Variants in PRPF18 observed in about 807,000 individuals in gnomAD.
The protein encoded by PRPF18 is pre-mRNA processing factor 18, also known as pre-mRNA-splicing factor 18.
In PRPF18, 38 loss-of-function variants were observed where a neutral mutation model predicts 46.5. The ratio of observed to expected loss-of-function variants is 0.82; its 90% CI spans 0.63 to 1.07. The LOEUF (loss-of-function observed/expected upper bound fraction) is 1.07. PRPF18 is among the 50% of genes least tolerant of loss of function. The probability of loss-of-function intolerance (pLI) is 0.00; values close to 1 mark genes in which losing one functional copy is unlikely to be tolerated. For synonymous variants in PRPF18, 152 were observed against 146.7 expected (o/e 1.04, Z -0.26); for missense variants, 263 against 410.0 (o/e 0.64, Z 3.10).
At chr10:13,633,372 C>T (rs751077648), downstream of PRPF18, among the ~76,000 whole-genome samples, 6 of 152,166 alleles carry the variant, frequency 3.9e-5, no homozygotes, top group Non-Finnish European at 8.8e-5. Flanking sequence ...TGACCTACTC[C>T]AGCACTTCAG....
intron 9 of PRPF18, among the ~76,000 whole-genome samples, chr10:13,618,615 CAAAAAAAAA>C (rs68069523): frequency 1.3e-4 from 5 of 39,982 alleles, no homozygotes; most frequent in African/African-American, 3.5e-4. Context: ...AAGACCCTGT[CAAAAAAAAA>C]AAAAAAAAAA....
At chr10:13,605,803 T>G (rs1464689930) in intron 4 of PRPF18, 59 bp downstream of exon 4, 1 of 1,506,196 alleles carries the variant, frequency 6.6e-7, no homozygotes, top group East Asian at 2.4e-5. Context: ...TAGAATAGAG[T>G]TTGACTAATT....
chr10:13,626,613 G>T (rs1378576410), intron 9 of PRPF18, among the ~76,000 whole-genome samples: 2 of 152,090 alleles, frequency 1.3e-5, no homozygotes, highest in East Asian at 3.9e-4. Context: ...CTTCATAGTA[G>T]GAAGTCAGGA....
At position 13,608,704 on chromosome 10, in the gene PRPF18, G is replaced by A. The variant is rs189204264; in HGVS notation, c.364-1335G>A. The stretch of plus-strand genomic sequence containing the variant: ...TTTGTTAGTGTACTTACTGTTTTTC[G>A]CTATTATTAGAGTTATGTGCATATT... On this transcript the variant is annotated intron_variant, in intron 4 of 9. Transcript: ENST00000378572. 6.3e-4 allele frequency among the ~76,000 whole-genome samples: 96 copies of A among 152,186 alleles called. 2 individuals are homozygous for A. The highest frequency in any genetic ancestry group is 6.0e-3 in the Admixed American group (92 of 15,284).
the PRPF18 span, chr10:13,642,127 T>G: frequency 1.3e-5 from 2 of 152,242 alleles, no homozygotes; most frequent in African/African-American, 2.4e-5. Flanking sequence ...TTCTACTTTG[T>G]CTCTGCCATC....
chr10:13,626,170 C>T (rs1246700943), intron 9 of PRPF18, among the ~76,000 whole-genome samples: 1 of 152,116 alleles, frequency 6.6e-6, no homozygotes, highest in Non-Finnish European at 1.5e-5. Flanking sequence ...CTGAGATCCA[C>T]CACAGAGCAA....
the PRPF18 span, chr10:13,636,924 G>T: frequency 6.6e-6 from 1 of 152,088 alleles, no homozygotes; most frequent in Non-Finnish European, 1.5e-5. Context: ...AAAGAACCCC[G>T]TTTGCCTGTG....
chr10:13,614,848 C>G (rs1278074175), intron 8 of PRPF18, among the ~76,000 whole-genome samples: 1 of 152,176 alleles, frequency 6.6e-6, no homozygotes, highest in South Asian at 2.1e-4. Flanking sequence ...TTCTTGTGGC[C>G]GTGCCTCCCA....
chr10:13,646,994 G>A, the PRPF18 span: 1 of 983,442 alleles, frequency 1.0e-6, no homozygotes, highest in African/African-American at 1.7e-5. Context: ...AGCTAGTTCT[G>A]GATAGAGGGA....
chr10:13,617,172 T>A (rs2080355350), intron 9 of PRPF18, among the ~76,000 whole-genome samples: 1 of 152,246 alleles, frequency 6.6e-6, no homozygotes, highest in African/African-American at 2.4e-5. Context: ...CAGATTGTCA[T>A]AAATCCCAGA....
rs537353356 is a variant in PRPF18 at position 13,610,248 on chromosome 10, C to T, written c.510+63C>T. The T allele has an allele frequency of 2.5e-5, 38 of 1,534,430 alleles. No individual in the cohort carries two copies. The East Asian group carries it at 8.4e-4, about 34-fold the overall frequency. ...CTTCTTTTTCCTCTGGAGCAGATGA[C>T]TGAGTCGGGCAGATTGTTGAGGGCA... On this transcript the variant is annotated intron_variant, in intron 5 of 9. Coordinates refer to ENST00000378572, the MANE Select transcript of PRPF18 (RefSeq NM_003675.4).
At chr10:13,594,215 A>G (rs2080002994) in intron 1 of PRPF18, among the ~76,000 whole-genome samples, 1 of 152,246 alleles carries the variant, frequency 6.6e-6, no homozygotes, top group Non-Finnish European at 1.5e-5. Flanking sequence ...TTATGAAAAG[A>G]CTATATTTGC....
At chr10:13,654,441 G>C in the PRPF18 span, 1 of 1,612,080 alleles carries the variant, frequency 6.2e-7, no homozygotes, top group South Asian at 1.1e-5. Context: ...AGGATGTGGT[G>C]GGGGCTGCTT....
chr10:13,592,101 G>A, intron 1 of PRPF18: 1 of 583,744 alleles, frequency 1.7e-6, no homozygotes, highest in South Asian at 1.6e-5. Flanking sequence ...GTACTTAGCG[G>A]CTGAGTACTT....
chr10:13,612,128 C>T (rs923728649), intron 6 of PRPF18, among the ~76,000 whole-genome samples: 3 of 152,124 alleles, frequency 2.0e-5, no homozygotes, highest in South Asian at 2.1e-4. Flanking sequence ...GATCCACCCA[C>T]CTCAGCCTCC....
At chr10:13,590,170 T>C (rs2079937071) in intron 1 of PRPF18, among the ~76,000 whole-genome samples, 1 of 151,976 alleles carries the variant, frequency 6.6e-6, no homozygotes, top group Non-Finnish European at 1.5e-5. Flanking sequence ...TTATAATATA[T>C]AAACTTTTCC....
At position 13,605,590 on chromosome 10, in the gene PRPF18, A is replaced by G. The variant is rs376818939; in HGVS notation, c.250-41A>G. The G allele has an allele frequency of 4.0e-4, 610 of 1,532,268 alleles. 3 individuals are homozygous for G. In the African/African-American group the frequency reaches 7.7e-3, roughly 19 times the overall value. 94.9% of individuals were successfully genotyped at this position (1,532,268 alleles called of 1,614,324 possible). On this transcript the variant is annotated intron_variant, in intron 3 of 9. Transcript: ENST00000378572. Reference sequence around the variant, plus strand: ...GAGTGAGACTGTCTCAAAAAAAAAAAAAAAAAAAAAAATTTACTGGGTATC... The same window carrying G: ...GAGTGAGACTGTCTCAAAAAAAAAAGAAAAAAAAAAAATTTACTGGGTATC...
chr10:13,608,772 C>G (rs1367610245), intron 4 of PRPF18, among the ~76,000 whole-genome samples: 2 of 152,162 alleles, frequency 1.3e-5, no homozygotes, highest in Non-Finnish European at 2.9e-5. Context: ...CTTTGTATGC[C>G]AAGTCCTGTG....
chr10:13,608,397 A>G (rs1481167147), intron 4 of PRPF18, among the ~76,000 whole-genome samples: 1 of 152,142 alleles, frequency 6.6e-6, no homozygotes, highest in Non-Finnish European at 1.5e-5. Flanking sequence ...TCTGTCTGCT[A>G]GCCTGGGCTG....
Sources: gnomAD v4.1 joint callset for allele counts (sites outside exome capture counted in the v4.1 genomes callset) on GRCh38, gnomAD v4.1.1 for gene constraint, MANE v1.5 for transcripts, NCBI Gene and HGNC (gene_info 2026-07-23, HGNC 2026-07-21) for gene names.